Variants in PDE4D observed in about 807,000 individuals in gnomAD.
The protein encoded by PDE4D is phosphodiesterase 4D.
In PDE4D, 24 loss-of-function variants were observed where a neutral mutation model predicts 87.4. The observed-to-expected ratio is 0.27, with a 90% CI of 0.20 to 0.39. PDE4D has a LOEUF of 0.39. Among genes scored for constraint, PDE4D ranks in the 10% least tolerant of loss-of-function variants. The probability of loss-of-function intolerance (pLI) is 1.00; values close to 1 mark genes in which losing one functional copy is unlikely to be tolerated. For synonymous variants in PDE4D, 384 were observed against 383.2 expected (o/e 1.00, Z -0.02); for missense variants, 714 against 1,041.0 (o/e 0.69, Z 4.32).
chr5:59,901,923 AACACACACACACACACACACAC>A lies in PDE4D; in HGVS notation c.272+86543_272+86564del, dbSNP rs59453461. ...CAGCACAGAAAATGTCTTACATGCA[AACACACACACACACACACACAC>A]ACACACACACACACACACACACACA... On this transcript the variant is annotated intron_variant, in intron 3 of 16. Transcript: ENST00000502484. Among the ~76,000 whole-genome samples, 565 of 134,338 alleles carry A rather than the reference AACACACACACACACACACACAC, an allele frequency of 4.2e-3. 3 individuals are homozygous for A. Among genetic ancestry groups the A allele is most frequent in the Non-Finnish European group, 6.8e-3 (424 of 62,196 alleles). The allele number at this position is 134,338 out of a possible 152,430, so 88.1% of individuals were successfully genotyped here. A position where few individuals can be genotyped will look rare whatever the true frequency, so the allele number is the denominator to read the frequency against.
At chr5:60,465,135 A>G (rs1583851201) in intron 1 of PDE4D, among the ~76,000 whole-genome samples, 1 of 152,020 alleles carries the variant, frequency 6.6e-6, no homozygotes, top group Non-Finnish European at 1.5e-5. Context: ...AAAATAAATA[A>G]TTAAATAAAA....
chr5:59,368,541 G>C (rs1166363006), intron 1 of PDE4D, among the ~76,000 whole-genome samples: 1 of 152,112 alleles, frequency 6.6e-6, no homozygotes, highest in Non-Finnish European at 1.5e-5. Context: ...ACGTTAATTA[G>C]AATAAAAATC....
At chr5:59,686,195 C>T (rs1390783534) in intron 1 of PDE4D, among the ~76,000 whole-genome samples, 1 of 152,076 alleles carries the variant, frequency 6.6e-6, no homozygotes, top group African/African-American at 2.4e-5. Flanking sequence ...TAAGCAAGAA[C>T]TATGATTTAA....
intron 1 of PDE4D, among the ~76,000 whole-genome samples, chr5:60,450,012 T>C (rs921850026): frequency 2.7e-5 from 4 of 147,224 alleles, no homozygotes; most frequent in Non-Finnish European, 6.0e-5. Context: ...TATAGAACTA[T>C]ATACACCAAA....
chr5:59,349,266 T>C lies in PDE4D; in HGVS notation c.456-133298A>G, dbSNP rs530810854. The stretch of plus-strand genomic sequence containing the variant: ...AATTAAAAAGGCTTGTCAATTATAG[T>C]TTGAAAGTAGAAAAAATAATGGAAG... On this transcript the variant is annotated intron_variant, in intron 1 of 14. Transcript: ENST00000340635. 3.9e-5 allele frequency among the ~76,000 whole-genome samples: 6 copies of C among 152,120 alleles called. No homozygotes were observed. In the East Asian group the frequency reaches 1.2e-3, roughly 29 times the overall value.
chr5:59,579,442 A>G (rs1021936071), intron 1 of PDE4D, among the ~76,000 whole-genome samples: 16 of 152,214 alleles, frequency 1.1e-4, no homozygotes, highest in African/African-American at 3.9e-4. Context: ...CTGATTTCAG[A>G]TAATACTAAT....
At chr5:59,345,195 A>G (rs1779418174) in intron 1 of PDE4D, among the ~76,000 whole-genome samples, 1 of 152,190 alleles carries the variant, frequency 6.6e-6, no homozygotes, top group Admixed American at 6.5e-5. Flanking sequence ...CGTGACTTAC[A>G]CTGCCTATGC....
intron 1 of PDE4D, among the ~76,000 whole-genome samples, chr5:59,785,820 T>A (rs1172146288): frequency 1.3e-5 from 2 of 152,142 alleles, no homozygotes; most frequent in African/African-American, 4.8e-5. Context: ...ATGTTCAAAT[T>A]TGTGAAGTAA....
chr5:60,125,333 C>A (rs530006742), intron 2 of PDE4D, among the ~76,000 whole-genome samples: 36 of 152,270 alleles, frequency 2.4e-4, no homozygotes, highest in Non-Finnish European at 4.4e-4. Flanking sequence ...AATCAAGCAG[C>A]AAACTTGTGA....
At chr5:59,052,626 T>A (rs1222852234) in intron 5 of PDE4D, among the ~76,000 whole-genome samples, 1 of 152,162 alleles carries the variant, frequency 6.6e-6, no homozygotes, top group East Asian at 1.9e-4. Flanking sequence ...AGAAAGAGTA[T>A]GACTTGGGAA....
At chr5:60,274,487 A>T (rs4624754) in intron 1 of PDE4D, among the ~76,000 whole-genome samples, 4 of 151,826 alleles carry the variant, frequency 2.6e-5, no homozygotes, top group Non-Finnish European at 5.9e-5. Context: ...CAGCCTCCCA[A>T]GTAGCTGAGA....
At chr5:59,356,103 C>G (rs976261625) in intron 1 of PDE4D, among the ~76,000 whole-genome samples, 1 of 152,116 alleles carries the variant, frequency 6.6e-6, no homozygotes, top group Non-Finnish European at 1.5e-5. Flanking sequence ...TCTTTATTAA[C>G]ACCTAGAATA....
intron 1 of PDE4D, among the ~76,000 whole-genome samples, chr5:59,750,166 A>C (rs900348925): frequency 1.3e-5 from 2 of 150,170 alleles, no homozygotes; most frequent in Admixed American, 1.3e-4. Context: ...GGGTTACTTC[A>C]ATAGTTTAAC....
At chr5:59,483,190 T>A (rs1804559216) in intron 1 of PDE4D, among the ~76,000 whole-genome samples, 1 of 152,184 alleles carries the variant, frequency 6.6e-6, no homozygotes, top group South Asian at 2.1e-4. Flanking sequence ...TACCAGCAGC[T>A]CTCCTGGGTC....
intron 1 of PDE4D, among the ~76,000 whole-genome samples, chr5:60,247,846 C>G (rs1334677496): frequency 6.6e-6 from 1 of 152,014 alleles, no homozygotes; most frequent in Non-Finnish European, 1.5e-5. Context: ...TCCATTAATT[C>G]AATACAACTT....
At chr5:59,066,987 GATTTATTT>G (rs75735314) in intron 5 of PDE4D, among the ~76,000 whole-genome samples, 12,438 of 141,206 alleles carry the variant, frequency 0.088, 603 homozygotes, top group South Asian at 0.11. Context: ...CCCAGCTCGT[GATTTATTT>G]ATTTATTTAT....
intron 1 of PDE4D, among the ~76,000 whole-genome samples, chr5:59,508,695 A>C (rs1161451547): frequency 6.6e-6 from 1 of 152,098 alleles, no homozygotes; most frequent in Non-Finnish European, 1.5e-5. Flanking sequence ...GAAATGATAA[A>C]AAATTTAGTA....
At chr5:59,958,268 A>T (rs549392202) in intron 3 of PDE4D, among the ~76,000 whole-genome samples, 63 of 152,286 alleles carry the variant, frequency 4.1e-4, no homozygotes, top group African/African-American at 1.5e-3. Context: ...TTTTATTTAC[A>T]TATTTCTTTC....
chr5:59,318,704 G>T (rs1774176284), intron 1 of PDE4D, among the ~76,000 whole-genome samples: 1 of 152,122 alleles, frequency 6.6e-6, no homozygotes. Context: ...TTGTGTTACG[G>T]TGGTAGAATA....
Sources: gnomAD v4.1 joint callset for allele counts (sites outside exome capture counted in the v4.1 genomes callset) on GRCh38, gnomAD v4.1.1 for gene constraint, MANE v1.5 for transcripts, NCBI Gene and HGNC (gene_info 2026-07-23, HGNC 2026-07-21) for gene names.